STC2: variants seen among roughly 807,000 people sequenced by gnomAD.
STC2 encodes the protein stanniocalcin-2.
In STC2, 7 loss-of-function variants were observed where a neutral mutation model predicts 22.7. That is an observed-to-expected ratio of 0.31 (90% CI 0.18 to 0.58). STC2 has a LOEUF of 0.58. Among genes scored for constraint, STC2 ranks in the 20% least tolerant of loss-of-function variants. The pLI, the probability that STC2 is intolerant of heterozygous loss-of-function variation, is 0.89. For synonymous variants in STC2, 158 were observed against 163.4 expected (o/e 0.97, Z 0.25); for missense variants, 336 against 406.2 (o/e 0.83, Z 1.48).
rs935576086 is a variant in STC2, at chr5:173,314,977, T to C, written c.*2870A>G. The C allele has an allele frequency of 6.6e-6, 1 of 152,212 alleles. No homozygotes were observed. The highest frequency in any genetic ancestry group is 2.4e-5 in the African/African-American group (1 of 41,468). The allele number at this position is 152,212 out of a possible 1,614,324, so 9.4% of individuals were successfully genotyped here. On this transcript the variant is annotated 3_prime_UTR_variant, in exon 4 of 4. Coordinates refer to ENST00000265087, the MANE Select transcript of STC2 (RefSeq NM_003714.3). This position sits in a 1 kb window ranked among gnomAD's most constrained non-coding sequence, Gnocchi z 4.6. ...TTCTCCCTTTGTGTGAGTATGACTA[T>C]AGTTCTGGCCTGGTGTTTTCTATTT...
At position 173,323,146 on chromosome 5, in the gene STC2, C is replaced by A. The variant is rs188104647; in HGVS notation, c.506+73G>T. 7.7e-5 allele frequency: 113 copies of A among 1,469,874 alleles called. No homozygotes were observed. The Middle Eastern group carries it at 2.4e-3, about 31-fold the overall frequency. 91.1% of individuals were successfully genotyped at this position (1,469,874 alleles called of 1,614,324 possible). On this transcript the variant is annotated intron_variant, in intron 3 of 3. Transcript: ENST00000265087. The surrounding 1 kb of genome is among the most constrained non-coding windows in gnomAD (Gnocchi z 5.4). ...CATTCAGCCTCTAGAAGCAACGCGG[C>A]TCTCCTCCCATACACATTGCCATCC...
chr5:173,325,137 C>A lies in STC2; in HGVS notation c.294+731G>T, dbSNP rs755187112. Among the ~76,000 whole-genome samples the A allele has an allele frequency of 1.6e-4, 25 of 152,220 alleles. No individual in the cohort carries two copies. Among genetic ancestry groups the A allele is most frequent in the Non-Finnish European group, 3.2e-4 (22 of 68,044 alleles). ...GAGATATAGTAACAGGGCGTTTCAA[C>A]AGGGCATATAAGTGGCCAGGGAGAA... On this transcript the variant is annotated intron_variant, in intron 2 of 3. Coordinates refer to ENST00000265087, the MANE Select transcript of STC2 (RefSeq NM_003714.3). This position sits in a 1 kb window ranked among gnomAD's most constrained non-coding sequence, Gnocchi z 4.7.
chr5:173,327,770 G>C (rs1762568581), intron 1 of STC2, among the ~76,000 whole-genome samples: 1 of 152,212 alleles, frequency 6.6e-6, no homozygotes, highest in African/African-American at 2.4e-5. Flanking sequence ...AGCGTCAGAC[G>C]CTGCTTCATT....
At chr5:173,318,296 GA>G in intron 3 of STC2, 47 bp from the exon 4 acceptor site, 2 of 1,337,328 alleles carry the variant, frequency 1.5e-6, no homozygotes, top group South Asian at 2.2e-5. Flanking sequence ...GAGAGAGAGA[GA>G]GAGGCTGGGA....
rs571433034 is a variant in STC2 at position 173,322,686 on chromosome 5, C to A, written c.506+533G>T. On this transcript the variant is annotated intron_variant, in intron 3 of 3. Transcript: ENST00000265087. ...ACTGCTCAGCAGACTGGAGCCAGGT[C>A]CCAAGTCTGGCTTTGCCTGTCACTA... Among the ~76,000 whole-genome samples, 266 of 152,260 alleles carry A rather than the reference C, an allele frequency of 1.7e-3. 2 individuals are homozygous for A. Among genetic ancestry groups the A allele is most frequent in the African/African-American group, 6.2e-3 (259 of 41,562 alleles).
At chr5:173,320,727 G>C (rs1321654309) in intron 3 of STC2, among the ~76,000 whole-genome samples, 3 of 148,900 alleles carry the variant, frequency 2.0e-5, no homozygotes, top group African/African-American at 7.5e-5. Flanking sequence ...TGGGGGTTGG[G>C]TTGAAGAATG....
At position 173,328,044 on chromosome 5, in the gene STC2, T is replaced by G. The variant is rs1285783048; in HGVS notation, c.150A>C (p.Thr50=). Residue 50 remains threonine (T), a splice_region_variant and synonymous_variant, in exon 1 of 4, where the codon ACA becomes ACC. Coordinates refer to ENST00000265087, the MANE Select transcript of STC2 (RefSeq NM_003714.3). ...GGCTGCGGGGGCACATGCACTTACC[T>G]GTATTCTGCAGGGACAGGCGGCCTT... ...QQKGRLSLQN[T]AEIQHCLVNA... The G allele has an allele frequency of 6.4e-7, 1 of 1,566,894 alleles. No homozygotes were observed. Among genetic ancestry groups the G allele is most frequent in the Non-Finnish European group, 8.6e-7 (1 of 1,156,838 alleles).
intron 3 of STC2, among the ~76,000 whole-genome samples, chr5:173,320,348 T>C (rs1174005949): frequency 6.6e-6 from 1 of 152,162 alleles, no homozygotes; most frequent in African/African-American, 2.4e-5. Context: ...TGGCCCTCTC[T>C]CTCTCCAGGA....
chr5:173,315,479 G>A lies in STC2; in HGVS notation c.*2368C>T, dbSNP rs1039685638. On this transcript the variant is annotated 3_prime_UTR_variant, in exon 4 of 4. Coordinates refer to ENST00000265087, the MANE Select transcript of STC2 (RefSeq NM_003714.3). ...ACAGTAAACCATTTTATGCCTTAGGGGGAAAACACAGAGATAATAAATACA... is the reference window on the plus strand; with the variant it reads ...ACAGTAAACCATTTTATGCCTTAGGAGGAAAACACAGAGATAATAAATACA... The A allele has an allele frequency of 5.9e-5, 9 of 152,100 alleles. No individual in the cohort carries two copies. The highest frequency in any genetic ancestry group is 2.2e-4 in the African/African-American group (9 of 41,398). 9.4% of individuals were successfully genotyped at this position (152,100 alleles called of 1,614,324 possible).
At chr5:173,320,640 C>A (rs1762473286) in intron 3 of STC2, among the ~76,000 whole-genome samples, 1 of 137,600 alleles carries the variant, frequency 7.3e-6, no homozygotes, top group African/African-American at 2.8e-5. Context: ...GTGGGGCGGG[C>A]AGGAAGGGGT....
intron 3 of STC2, chr5:173,322,830 G>A (rs367553366): frequency 5.5e-5 from 13 of 237,444 alleles, no homozygotes; most frequent in Non-Finnish European, 9.3e-5. Context: ...AGTGCCTGGC[G>A]CTTAGTAAAT....
At position 173,321,712 on chromosome 5, in the gene STC2, T is replaced by C. The variant is rs141887329; in HGVS notation, c.506+1507A>G. ...ATCTCTTAGCTTCACTTTCCTCCTC[T>C]TGGGCATAGTAATTTCTATCTTGTA... is the stretch of plus-strand genomic sequence containing the variant. On this transcript the variant is annotated intron_variant, in intron 3 of 3. Transcript: ENST00000265087. Among the ~76,000 whole-genome samples the C allele has an allele frequency of 9.6e-4, 147 of 152,338 alleles. 2 individuals are homozygous for C. In the East Asian group the frequency reaches 0.028, roughly 29 times the overall value.
Position 173,318,884 on chromosome 5 carries a change from G to C in STC2, c.507-635C>G, listed in dbSNP as rs139016029. Among the ~76,000 whole-genome samples, 20 of 152,360 alleles carry C rather than the reference G, an allele frequency of 1.3e-4. No homozygotes were observed. The East Asian group carries it at 3.9e-3, about 29-fold the overall frequency. ...CCTCTGCATCTGGAGGAGTATGGAA[G>C]AGCTGAAGTGGGAGGGAGGAAGACC... On this transcript the variant is annotated intron_variant, in intron 3 of 3. Coordinates refer to ENST00000265087, the MANE Select transcript of STC2 (RefSeq NM_003714.3).
chr5:173,327,322 G>A (rs1029937478), intron 1 of STC2, among the ~76,000 whole-genome samples: 2 of 152,382 alleles, frequency 1.3e-5, no homozygotes, highest in Non-Finnish European at 2.9e-5. Flanking sequence ...GCTGGGAAAA[G>A]GGCCAGCCCC....
chr5:173,323,591 T>A lies in STC2; in HGVS notation c.295-161A>T, dbSNP rs1293273606. Among the ~76,000 whole-genome samples, 1 of 152,120 alleles carries A rather than the reference T, an allele frequency of 6.6e-6. No individual in the cohort carries two copies. The highest frequency in any genetic ancestry group is 1.5e-5 in the Non-Finnish European group (1 of 68,030). ...GGACGTCCTCCCAGGTGACAGGCAA[T>A]GCGACATCCGGAGGCACGTCCAGAG... On this transcript the variant is annotated intron_variant, in intron 2 of 3. Coordinates refer to ENST00000265087, the MANE Select transcript of STC2 (RefSeq NM_003714.3). This position sits in a 1 kb window ranked among gnomAD's most constrained non-coding sequence, Gnocchi z 5.4.
chr5:173,323,048 A>G lies in STC2; in HGVS notation c.506+171T>C. 1 of 630,166 alleles carries G rather than the reference A, an allele frequency of 1.6e-6. No homozygotes were observed. The highest frequency in any genetic ancestry group is 2.8e-6 in the Non-Finnish European group (1 of 355,502). 39.0% of individuals were successfully genotyped at this position (630,166 alleles called of 1,614,324 possible). A position where few individuals can be genotyped will look rare whatever the true frequency, so the allele number is the denominator to read the frequency against. On this transcript the variant is annotated intron_variant, in intron 3 of 3. Coordinates refer to ENST00000265087, the MANE Select transcript of STC2 (RefSeq NM_003714.3). This position sits in a 1 kb window ranked among gnomAD's most constrained non-coding sequence, Gnocchi z 5.4. ...GGAATTCTCTCTTTTCCTAAAAGCC[A>G]GCAGGAAAGGGGCCTTTTAGTAGAG...
At position 173,328,207 on chromosome 5, in the gene STC2, A is replaced by G; in HGVS notation, c.-14T>C. The G allele has an allele frequency of 6.9e-7, 1 of 1,457,716 alleles. No individual in the cohort carries two copies. The highest frequency in any genetic ancestry group is 9.1e-7 in the Non-Finnish European group (1 of 1,096,442). 90.3% of individuals were successfully genotyped at this position (1,457,716 alleles called of 1,614,324 possible). ...CTCGGCACACATGGTTCTTGGTATT[A>G]ACCTCCCGTCGGGAGACCTGGATCC... On this transcript the variant is annotated 5_prime_UTR_variant, in exon 1 of 4. Transcript: ENST00000265087.
At chr5:173,318,695 C>A (rs1762454694) in intron 3 of STC2, among the ~76,000 whole-genome samples, 1 of 152,130 alleles carries the variant, frequency 6.6e-6, no homozygotes, top group Non-Finnish European at 1.5e-5. Context: ...CATAGACTTC[C>A]AAACAGAGGA....
rs530241742 is a variant in STC2 at position 173,318,066 on chromosome 5, G to C, written c.690C>G (p.Asp230Glu). Residue 230 changes from aspartate (D) to glutamate (E), a missense_variant, in exon 4 of 4, where the codon GAC becomes GAG. Coordinates refer to ENST00000265087, the MANE Select transcript of STC2 (RefSeq NM_003714.3). ...GGTGGGCCCTGGAGAGCTTGGTTCT[G>C]TCCACCTGGGGCTGGCGCTCGGGGG... ...TAPPERQPQV[D>E]RTKLSRAHHG... is the part of the protein sequence containing the mutation. 2 of 1,609,124 alleles carry C rather than the reference G, an allele frequency of 1.2e-6. No individual in the cohort carries two copies. Among genetic ancestry groups the C allele is most frequent in the African/African-American group, 1.3e-5 (1 of 74,618 alleles).
Sources: allele counts gnomAD v4.1 joint callset (sites outside exome capture counted in the v4.1 genomes callset), GRCh38; gene constraint gnomAD v4.1.1; non-coding constraint Gnocchi (gnomAD v3.1); transcripts MANE v1.5; gene names NCBI Gene and HGNC (gene_info 2026-07-23, HGNC 2026-07-21).